ILDR2: variants seen among roughly 807,000 people sequenced by gnomAD.
ILDR2 encodes immunoglobulin like domain containing receptor 2.
In ILDR2, 25 loss-of-function variants were observed where a neutral mutation model predicts 66.8. That is an observed-to-expected ratio of 0.37 (90% confidence interval 0.27 to 0.52). The LOEUF is 0.52. ILDR2 is among the 20% of genes least tolerant of loss of function. ILDR2 has a pLI of 0.88. For missense variants in ILDR2, 827 were observed against 876.8 expected, an observed-to-expected ratio of 0.94 and a Z score of 0.72; for synonymous variants, 367 against 357.2, an observed-to-expected ratio of 1.03 and a Z score of -0.31.
chr1:166,943,968 T>C, intron 3 of ILDR2: 1 of 429,864 alleles, frequency 2.3e-6, no homozygotes, highest in Non-Finnish European at 3.1e-6. Context: ...TTTCCCCAAA[T>C]CTTGCAGAAT....
At chr1:166,950,620 C>T (rs966225340) in intron 3 of ILDR2, among the ~76,000 whole-genome samples, 1 of 152,026 alleles carries the variant, frequency 6.6e-6, no homozygotes, top group Non-Finnish European at 1.5e-5. Flanking sequence ...CCCAAGAATT[C>T]ACTGATTTTA....
Position 166,936,629 on chromosome 1 carries a change from C to A in ILDR2, c.665G>T (p.Cys222Phe), listed in dbSNP as rs1374568385. 28 of 1,613,906 alleles carry A rather than the reference C, an allele frequency of 1.7e-5. No individual in the cohort carries two copies. The highest frequency in any genetic ancestry group is 2.1e-5 in the Non-Finnish European group (25 of 1,179,930). The part of the protein sequence containing the change: ...CPHSCCCYVR[C>F]PCCPDSCCCP... ...GCAGCAGGAATCTGGGCAGCATGGG[C>A]AGCGGACATAGCAGCAGCAGCTGTG... The change falls in exon 5 of 10, where the codon TGC (cysteine) becomes TTC (phenylalanine). Residue 222 changes from cysteine to phenylalanine, a missense_variant. By Grantham distance (205) the Cys-to-Phe change is radical. Transcript: ENST00000271417. The surrounding 1 kb of genome is among the most constrained non-coding windows in gnomAD (Gnocchi z 5.0).
rs1659475165 is a variant in ILDR2, at chr1:166,911,601, G to A, written c.*7754C>T. On this transcript the variant is annotated 3_prime_UTR_variant, in exon 10 of 10. Transcript: ENST00000271417. ...AAAGACTGTAGATATTGGAATTACTGGATATAAAATTTTAAGTTAGTATCT... is the reference window on the plus strand; with the variant it reads ...AAAGACTGTAGATATTGGAATTACTAGATATAAAATTTTAAGTTAGTATCT... The A allele has an allele frequency of 1.3e-5, 2 of 151,150 alleles. No individual in the cohort carries two copies. The highest frequency in any genetic ancestry group is 2.4e-5 in the African/African-American group (1 of 41,124). The allele number at this position is 151,150 out of a possible 1,614,324, so 9.4% of individuals were successfully genotyped here.
intron 6 of ILDR2, among the ~76,000 whole-genome samples, chr1:166,928,795 C>A (rs1204835256): frequency 2.6e-5 from 4 of 152,178 alleles, no homozygotes; most frequent in Non-Finnish European, 5.9e-5. Flanking sequence ...ATATACTGGG[C>A]AGTCCACATT....
At chr1:166,955,693 C>T (rs184620964) in intron 3 of ILDR2, among the ~76,000 whole-genome samples, 1 of 152,270 alleles carries the variant, frequency 6.6e-6, no homozygotes, top group East Asian at 1.9e-4. Flanking sequence ...GCCAAAGTCA[C>T]ACAATCATGA....
chr1:166,929,880 GATT>G (rs374019162), intron 6 of ILDR2, among the ~76,000 whole-genome samples: 9 of 152,070 alleles, frequency 5.9e-5, no homozygotes, highest in Non-Finnish European at 1.0e-4. Context: ...TGGGTATCAT[GATT>G]ATTATTATTA....
intron 2 of ILDR2, among the ~76,000 whole-genome samples, chr1:166,900,405 C>T (rs1049702205): frequency 6.6e-6 from 1 of 152,190 alleles, no homozygotes; most frequent in Non-Finnish European, 1.5e-5. Flanking sequence ...CATCCTACCC[C>T]CACAAATAAA....
chr1:166,973,269 TAAAAC>T (rs1663407899), intron 1 of ILDR2, among the ~76,000 whole-genome samples: 1 of 151,718 alleles, frequency 6.6e-6, no homozygotes, highest in Non-Finnish European at 1.5e-5. Flanking sequence ...AAAACAAAAA[TAAAAC>T]AAAAAGCCCT....
Position 166,921,398 on chromosome 1 carries a change from G to C in ILDR2, c.1212-19C>G. 6.5e-7 allele frequency: 1 copy of C among 1,531,208 alleles called. No homozygotes were observed. Among genetic ancestry groups the C allele is most frequent in the East Asian group, 2.3e-5 (1 of 43,288 alleles). 94.9% of individuals were successfully genotyped at this position (1,531,208 alleles called of 1,614,324 possible). A position where few individuals can be genotyped will look rare whatever the true frequency, so the allele number is the denominator to read the frequency against. On this transcript the variant is annotated intron_variant, in intron 8 of 9. Coordinates refer to ENST00000271417, the MANE Select transcript of ILDR2 (RefSeq NM_199351.3). This position sits in a 1 kb window ranked among gnomAD's most constrained non-coding sequence, Gnocchi z 5.3. ...CGGCTGGCTGCGGGCAGAGAAGGAGGGGGTCAGACGGCCGGTCCCTCCCTG... is the reference window on the plus strand; with the variant it reads ...CGGCTGGCTGCGGGCAGAGAAGGAGCGGGTCAGACGGCCGGTCCCTCCCTG...
At chr1:166,919,904 G>C (rs749745828) in intron 9 of ILDR2, among the ~76,000 whole-genome samples, 14 of 152,138 alleles carry the variant, frequency 9.2e-5, no homozygotes, top group Non-Finnish European at 1.9e-4. Context: ...AATTGCGAAG[G>C]GGGAGAAGCA....
At chr1:166,948,739 T>TG (rs1661789665) in intron 3 of ILDR2, among the ~76,000 whole-genome samples, 2 of 152,286 alleles carry the variant, frequency 1.3e-5, no homozygotes, top group African/African-American at 4.8e-5. Flanking sequence ...GCCCGTGGAA[T>TG]GGGCTAAAGG....
intron 3 of ILDR2, among the ~76,000 whole-genome samples, chr1:166,941,695 A>G (rs1202586069): frequency 6.6e-6 from 1 of 152,184 alleles, no homozygotes; most frequent in East Asian, 1.9e-4. Flanking sequence ...CATAATTAGC[A>G]CTTGTAAATA....
intron 3 of ILDR2, among the ~76,000 whole-genome samples, chr1:166,950,128 G>C (rs1661883784): frequency 6.6e-6 from 1 of 152,210 alleles, no homozygotes; most frequent in Admixed American, 6.5e-5. Flanking sequence ...CAAAGAAGTA[G>C]CCTCCAAATT....
intron 6 of ILDR2, among the ~76,000 whole-genome samples, chr1:166,933,230 A>G (rs767423343): frequency 4.6e-5 from 7 of 152,266 alleles, no homozygotes; most frequent in Admixed American, 2.6e-4. Context: ...CAAGAGCCCA[A>G]TTCTTGCTGA....
At chr1:166,960,193 T>G (rs1557955030) in intron 1 of ILDR2, among the ~76,000 whole-genome samples, 1 of 152,208 alleles carries the variant, frequency 6.6e-6, no homozygotes, top group Admixed American at 6.5e-5. Context: ...CTGCATTCTG[T>G]AACATCTGGA....
At chr1:166,926,495 A>C (rs1221757052) in intron 7 of ILDR2, among the ~76,000 whole-genome samples, 1 of 151,898 alleles carries the variant, frequency 6.6e-6, no homozygotes, top group South Asian at 2.1e-4. Flanking sequence ...CCTTTTTTCC[A>C]GATTCACGTG....
intron 6 of ILDR2, among the ~76,000 whole-genome samples, chr1:166,931,162 C>A (rs1399216185): frequency 6.6e-6 from 1 of 152,098 alleles, no homozygotes; most frequent in Non-Finnish European, 1.5e-5. Flanking sequence ...TTTAAAAATT[C>A]TTATTGTTAA....
chr1:166,899,681 C>T (rs1257072386), intron 2 of ILDR2, among the ~76,000 whole-genome samples: 1 of 152,156 alleles, frequency 6.6e-6, no homozygotes, highest in Non-Finnish European at 1.5e-5. Context: ...TCAGTTGATA[C>T]CAAACATTCA....
At chr1:166,939,887 C>T (rs572496484) in intron 3 of ILDR2, among the ~76,000 whole-genome samples, 22 of 152,324 alleles carry the variant, frequency 1.4e-4, no homozygotes, top group African/African-American at 4.8e-4. Context: ...TTTATACATC[C>T]GTCTCCATAC....
Sources: allele counts gnomAD v4.1 joint callset (sites outside exome capture counted in the v4.1 genomes callset), GRCh38; gene constraint gnomAD v4.1.1; non-coding constraint Gnocchi (gnomAD v3.1); transcripts MANE v1.5; gene names NCBI Gene and HGNC (gene_info 2026-07-23, HGNC 2026-07-21).